The following IER5 variants were observed in gnomAD, a reference collection of about 807,000 sequenced individuals.
The protein encoded by IER5 is immediate early response gene 5 protein.
Under a neutral mutation model 8.2 loss-of-function variants are expected in IER5, and 3 were observed. The ratio of observed to expected loss-of-function variants is 0.36; its 90% CI spans 0.17 to 0.94. The LOEUF (loss-of-function observed/expected upper bound fraction) is 0.94, where lower values mean the gene tolerates loss of function less well. IER5 is among the 40% of genes least tolerant of loss of function. The pLI is 0.43. For synonymous variants in IER5, 286 were observed against 230.1 expected, an observed-to-expected ratio of 1.24 and a Z score of -2.20; for missense variants, 531 against 494.3, an observed-to-expected ratio of 1.07 and a Z score of -0.70.
rs773599741 is a variant in IER5 at position 181,089,678 on chromosome 1, A to G, written c.776A>G (p.Glu259Gly). The change falls in exon 1 of 1, where the codon GAG becomes GGG. Residue 259 changes from glutamate (E) to glycine (G), a missense_variant. Transcript: ENST00000367577. ...PPSGGEDDDA[E>G]EMETGNVANL... is the part of the protein sequence containing the mutation. ...AGTGGAGGAGAGGACGACGACGCGGAGGAGATGGAGACCGGGAACGTGGCT... is the reference window on the plus strand; with the variant it reads ...AGTGGAGGAGAGGACGACGACGCGGGGGAGATGGAGACCGGGAACGTGGCT... 6.2e-7 allele frequency: 1 copy of G among 1,613,314 alleles called. No individual in the cohort carries two copies. Among genetic ancestry groups the G allele is most frequent in the South Asian group, 1.1e-5 (1 of 91,082 alleles).
rs373457410 is a variant in IER5 at position 181,089,714 on chromosome 1, G to A, written c.812G>A (p.Ser271Asn). 6.2e-7 allele frequency: 1 copy of A among 1,613,896 alleles called. No homozygotes were observed. Among genetic ancestry groups the A allele is most frequent in the Admixed American group, 1.7e-5 (1 of 60,026 alleles). Residue 271 changes from serine to asparagine, a missense_variant, in exon 1 of 1, where the codon AGC becomes AAC. Coordinates refer to ENST00000367577, the MANE Select transcript of IER5 (RefSeq NM_016545.5). ...ACCGGGAACGTGGCTAACCTCATCA[G>A]CATCTTCGGTTCCAGTTTCTCGGGA... The part of the protein sequence containing the change: ...METGNVANLI[S>N]IFGSSFSGLL...
Position 181,089,034 on chromosome 1 carries a change from C to T in IER5, c.132C>T (p.Arg44=). The part of the protein sequence containing the change: ...LLVSLVLRSA[R]QVYLSDPCPG... ...TCTCGCTGGTGCTGCGCAGCGCCCG[C>T]CAAGTCTACCTGAGCGACCCGTGCC... The change falls in exon 1 of 1, where the codon CGC becomes CGT. Residue 44 remains arginine, a synonymous_variant. Transcript: ENST00000367577. 1 of 1,610,862 alleles carries T rather than the reference C, an allele frequency of 6.2e-7. No homozygotes were observed.
At position 181,090,604 on chromosome 1, in the gene IER5, C is replaced by T. The variant is rs1235923932; in HGVS notation, c.*718C>T. On this transcript the variant is annotated 3_prime_UTR_variant, in exon 1 of 1. Coordinates refer to ENST00000367577, the MANE Select transcript of IER5 (RefSeq NM_016545.5). ...GAGAAAAGATATATTTTTAAAAGCT[C>T]TAGGTCAGAAGTACTACACAGTGCT... 1 of 167,088 alleles carries T rather than the reference C, an allele frequency of 6.0e-6. No individual in the cohort carries two copies. The highest frequency in any genetic ancestry group is 2.4e-5 in the African/African-American group (1 of 41,416). 10.4% of individuals were successfully genotyped at this position (167,088 alleles called of 1,614,324 possible).
Position 181,090,796 on chromosome 1 carries a change from G to T in IER5, c.*910G>T, listed in dbSNP as rs41268466. 1,154 of 163,300 alleles carry T rather than the reference G, an allele frequency of 7.1e-3. 7 individuals carry two copies. Among genetic ancestry groups the T allele is most frequent in the Non-Finnish European group, 0.011 (734 of 68,050 alleles). 10.1% of individuals were successfully genotyped at this position (163,300 alleles called of 1,614,324 possible). A position where few individuals can be genotyped will look rare whatever the true frequency, so the allele number is the denominator to read the frequency against. On this transcript the variant is annotated 3_prime_UTR_variant, in exon 1 of 1. Coordinates refer to ENST00000367577, the MANE Select transcript of IER5 (RefSeq NM_016545.5). ...GTTGTATTGATTTTTGTATAAAAAT[G>T]TAACTTCTACGTGTCTAACACGTAT...
rs41268464 is a variant in IER5 at position 181,090,757 on chromosome 1, G to A, written c.*871G>A. On this transcript the variant is annotated 3_prime_UTR_variant, in exon 1 of 1. Coordinates refer to ENST00000367577, the MANE Select transcript of IER5 (RefSeq NM_016545.5). ...GGGGAGCTGATAAGGTTTTTGTACAGTATTTTCTCCTTCGTTGTATTGATT... is the reference window on the plus strand; with the variant it reads ...GGGGAGCTGATAAGGTTTTTGTACAATATTTTCTCCTTCGTTGTATTGATT... The A allele has an allele frequency of 0.055, 9,216 of 166,644 alleles. 294 individuals are homozygous for A. The highest frequency in any genetic ancestry group is 0.081 in the African/African-American group (3,372 of 41,512). The allele number at this position is 166,644 out of a possible 1,614,324, so 10.3% of individuals were successfully genotyped here.
chr1:181,090,700 T>A lies in IER5; in HGVS notation c.*814T>A, dbSNP rs962754155. On this transcript the variant is annotated 3_prime_UTR_variant, in exon 1 of 1. Coordinates refer to ENST00000367577, the MANE Select transcript of IER5 (RefSeq NM_016545.5). ...GAAAGACCTTATGGTTTTGTAGATA[T>A]GGTGACTCCAGTCTTTGTTGTATAA... The A allele has an allele frequency of 1.2e-5, 2 of 167,108 alleles. No individual in the cohort carries two copies. The highest frequency in any genetic ancestry group is 2.9e-5 in the Non-Finnish European group (2 of 68,122). 10.4% of individuals were successfully genotyped at this position (167,108 alleles called of 1,614,324 possible).
At position 181,089,357 on chromosome 1, in the gene IER5, C is replaced by A; in HGVS notation, c.455C>A (p.Ala152Asp). Residue 152 changes from alanine (A) to aspartate (D), a missense_variant, in exon 1 of 1, where the codon GCC (alanine) becomes GAC (aspartate). Physicochemically the swap from Ala to Asp is moderately radical, Grantham distance 126. Coordinates refer to ENST00000367577, the MANE Select transcript of IER5 (RefSeq NM_016545.5). ...GTGGAGGGGCCGCGCCAGGCGGCGG[C>A]CAGAGAAGCCGAGGGTACCGCCGGA... ...SRVEGPRQAAAREAEGTAGGW... is the reference protein window; with the variant it reads ...SRVEGPRQAADREAEGTAGGW... 1 of 1,511,716 alleles carries A rather than the reference C, an allele frequency of 6.6e-7. No individual in the cohort carries two copies. The highest frequency in any genetic ancestry group is 8.8e-7 in the Non-Finnish European group (1 of 1,130,444). 93.6% of individuals were successfully genotyped at this position (1,511,716 alleles called of 1,614,324 possible).
rs913197407 is a variant in IER5, at chr1:181,092,268, CCTTGGTTTT to C, written c.*2383_*2391del. The C allele has an allele frequency of 1.3e-5, 2 of 151,044 alleles. No individual in the cohort carries two copies. The highest frequency in any genetic ancestry group is 4.9e-5 in the African/African-American group (2 of 40,992). 9.4% of individuals were successfully genotyped at this position (151,044 alleles called of 1,614,324 possible). A position where few individuals can be genotyped will look rare whatever the true frequency, so the allele number is the denominator to read the frequency against. On this transcript the variant is annotated 3_prime_UTR_variant, in exon 1 of 1. Coordinates refer to ENST00000367577, the MANE Select transcript of IER5 (RefSeq NM_016545.5). ...TGTTTTGGATGAGACTAAAGTTGAT[CCTTGGTTTT>C]ACATTAAGATGAACCTGGGTCCATG... is the stretch of plus-strand genomic sequence containing the variant.
In IER5 at chr1:181,089,352, G is replaced by A. The variant is rs1238796579; in HGVS notation, c.450G>A (p.Ala150=). Residue 150 remains alanine (A), a synonymous_variant, in exon 1 of 1, where the codon GCG becomes GCA. Transcript: ENST00000367577. ...GCCGCGTGGAGGGGCCGCGCCAGGC[G>A]GCGGCCAGAGAAGCCGAGGGTACCG... ...AWSRVEGPRQ[A]AAREAEGTAG... 3.3e-6 allele frequency: 5 copies of A among 1,517,052 alleles called. No individual in the cohort carries two copies. The South Asian group carries it at 4.9e-5, about 15-fold the overall frequency. 94.0% of individuals were successfully genotyped at this position (1,517,052 alleles called of 1,614,324 possible).
rs1390405591 is a variant in IER5 at position 181,089,320 on chromosome 1, G to T, written c.418G>T (p.Ala140Ser). The T allele has an allele frequency of 2.6e-6, 4 of 1,543,566 alleles. No individual in the cohort carries two copies. The highest frequency in any genetic ancestry group is 2.0e-5 in the Admixed American group (1 of 51,022). The stretch of plus-strand genomic sequence containing the variant: ...CGGAGAGGCGGACGCGACGGAAGCT[G>T]CCTGGAGCCGCGTGGAGGGGCCGCG... ...QGGEADATEAAWSRVEGPRQA... is the reference protein window; with the variant it reads ...QGGEADATEASWSRVEGPRQA... The change falls in exon 1 of 1, where the codon GCC becomes TCC. Residue 140 changes from alanine to serine, a missense_variant. Physicochemically the swap from Ala to Ser is moderately conservative, Grantham distance 99. Coordinates refer to ENST00000367577, the MANE Select transcript of IER5 (RefSeq NM_016545.5).
rs918696136 is a variant in IER5 at position 181,089,672 on chromosome 1, A to C, written c.770A>C (p.Asp257Ala). 6.2e-7 allele frequency: 1 copy of C among 1,613,200 alleles called. No individual in the cohort carries two copies. Among genetic ancestry groups the C allele is most frequent in the Non-Finnish European group, 8.5e-7 (1 of 1,179,946 alleles). ...CCGCCGAGTGGAGGAGAGGACGACG[A>C]CGCGGAGGAGATGGAGACCGGGAAC... is the stretch of plus-strand genomic sequence containing the variant. ...EQPPSGGEDD[D>A]AEEMETGNVA... is the part of the protein sequence containing the mutation. The change falls in exon 1 of 1, where the codon GAC (aspartate) becomes GCC (alanine). Residue 257 changes from aspartate (D) to alanine (A), a missense_variant. Transcript: ENST00000367577.
rs1433931322 is a variant in IER5 at position 181,091,097 on chromosome 1, T to TA, written c.*1213dup. On this transcript the variant is annotated 3_prime_UTR_variant, in exon 1 of 1. Transcript: ENST00000367577. Reference sequence around the variant, plus strand: ...AACCTGCCACTACAACTGCCTTTTCTAAGGTCAGTTTAGACCAATTTGTCA... The same window carrying TA: ...AACCTGCCACTACAACTGCCTTTTCTAAAGGTCAGTTTAGACCAATTTGTCA... 2.0e-5 allele frequency: 3 copies of TA among 152,332 alleles called. No individual in the cohort carries two copies. In the East Asian group the frequency reaches 5.8e-4, roughly 29 times the overall value. The allele number at this position is 152,332 out of a possible 1,614,324, so 9.4% of individuals were successfully genotyped here.
In IER5 at chr1:181,089,476, AC is replaced by A; in HGVS notation, c.580del (p.Arg194AlafsTer53). 15 of 1,338,966 alleles carry A rather than the reference AC, an allele frequency of 1.1e-5. No individual in the cohort carries two copies. The highest frequency in any genetic ancestry group is 5.6e-5 in the South Asian group (3 of 53,612). 82.9% of individuals were successfully genotyped at this position (1,338,966 alleles called of 1,614,324 possible). A position where few individuals can be genotyped will look rare whatever the true frequency, so the allele number is the denominator to read the frequency against. Reference sequence around the variant, plus strand: ...GGACCCGCCGGGTACACCGGCCGCGACCCCCCGCGCTGCCTGCTGCTGCGCG... The same window carrying A: ...GGACCCGCCGGGTACACCGGCCGCGACCCCCGCGCTGCCTGCTGCTGCGCG... ...GEDPPGTPAA[T>X]PRAACCCAPQ... On this transcript the variant is annotated frameshift_variant, in exon 1 of 1. Transcript: ENST00000367577. LOFTEE classifies it high-confidence loss of function.
In IER5 at chr1:181,088,901, A is replaced by AG. The variant is rs1480256352; in HGVS notation, c.-1dup. ...GCCGACGGCCCTGTGCAGGGGAAGC[A>AG]GATGGAGTTCAAGCTGGAGGCTCAT... On this transcript the variant is annotated 5_prime_UTR_variant, in exon 1 of 1. Coordinates refer to ENST00000367577, the MANE Select transcript of IER5 (RefSeq NM_016545.5). The AG allele has an allele frequency of 6.2e-7, 1 of 1,610,904 alleles. No individual in the cohort carries two copies. The highest frequency in any genetic ancestry group is 1.3e-5 in the African/African-American group (1 of 74,842).
chr1:181,089,121 G>A lies in IER5; in HGVS notation c.219G>A (p.Gly73=). 2 of 1,411,578 alleles carry A rather than the reference G, an allele frequency of 1.4e-6. No individual in the cohort carries two copies. Among genetic ancestry groups the A allele is most frequent in the East Asian group, 3.0e-5 (1 of 32,976 alleles). 87.4% of individuals were successfully genotyped at this position (1,411,578 alleles called of 1,614,324 possible). The change falls in exon 1 of 1, where the codon GGG becomes GGA. Residue 73 remains glycine, a synonymous_variant. Coordinates refer to ENST00000367577, the MANE Select transcript of IER5 (RefSeq NM_016545.5). The stretch of plus-strand genomic sequence containing the variant: ...CGCCGCCACCGCAGCAGCAGCCCGG[G>A]GAGCCGGCGGCCGGGCCACCCGCCG... The part of the protein sequence containing the change: ...TPAPPPQQQP[G]EPAAGPPAGW...
chr1:181,089,513 C>G lies in IER5; in HGVS notation c.611C>G (p.Ala204Gly). The change falls in exon 1 of 1, where the codon GCG becomes GGG. Residue 204 changes from alanine to glycine, a missense_variant. Physicochemically the swap from Ala to Gly is moderately conservative, Grantham distance 60. Coordinates refer to ENST00000367577, the MANE Select transcript of IER5 (RefSeq NM_016545.5). Reference protein sequence around the residue: ...RAACCCAPQPAEDEPPAPPAV... With the variant: ...RAACCCAPQPGEDEPPAPPAV... ...GCCTGCTGCTGCGCGCCGCAACCAG[C>G]GGAGGACGAGCCCCCCGCGCCGCCC... The G allele has an allele frequency of 6.9e-6, 9 of 1,301,776 alleles. No homozygotes were observed. Among genetic ancestry groups the G allele is most frequent in the Non-Finnish European group, 8.8e-6 (9 of 1,023,394 alleles). The allele number at this position is 1,301,776 out of a possible 1,614,324, so 80.6% of individuals were successfully genotyped here.
In IER5 at chr1:181,088,913, A is replaced by G; in HGVS notation, c.11A>G (p.Lys4Arg). ...GTGCAGGGGAAGCAGATGGAGTTCAAGCTGGAGGCTCATCGCATCGTCAGC... is the reference window on the plus strand; with the variant it reads ...GTGCAGGGGAAGCAGATGGAGTTCAGGCTGGAGGCTCATCGCATCGTCAGC... MEF[K>R]LEAHRIVSIS... Residue 4 changes from lysine (K) to arginine (R), a missense_variant, in exon 1 of 1, where the codon AAG becomes AGG. Transcript: ENST00000367577. The G allele has an allele frequency of 6.2e-7, 1 of 1,612,768 alleles. No individual in the cohort carries two copies. The highest frequency in any genetic ancestry group is 1.1e-5 in the South Asian group (1 of 90,942).
At position 181,089,197 on chromosome 1, in the gene IER5, GAGCCGC is replaced by G. The variant is rs1558134090; in HGVS notation, c.301_306del (p.Gln101_Pro102del). 1 of 1,529,910 alleles carries G rather than the reference GAGCCGC, an allele frequency of 6.5e-7. No individual in the cohort carries two copies. Among genetic ancestry groups the G allele is most frequent in the Admixed American group, 2.0e-5 (1 of 49,538 alleles). 94.8% of individuals were successfully genotyped at this position (1,529,910 alleles called of 1,614,324 possible). On this transcript the variant is annotated inframe_deletion, in exon 1 of 1. Transcript: ENST00000367577. Reference sequence around the variant, plus strand: ...CGCTCGTGCCTCTTGGCCGGAGACCGAGCCGCAGCCGGAGCGCTCCTCCGTCTCAGA... The same window carrying G: ...CGCTCGTGCCTCTTGGCCGGAGACCGAGCCGGAGCGCTCCTCCGTCTCAGA...
In IER5 at chr1:181,089,550, C is replaced by T. The variant is rs1659416970; in HGVS notation, c.648C>T (p.Pro216=). 5 of 1,464,162 alleles carry T rather than the reference C, an allele frequency of 3.4e-6. No individual in the cohort carries two copies. In the African/African-American group the frequency reaches 4.4e-5, roughly 13 times the overall value. The allele number at this position is 1,464,162 out of a possible 1,614,324, so 90.7% of individuals were successfully genotyped here. Residue 216 remains proline, a synonymous_variant, in exon 1 of 1, where the codon CCC becomes CCT. Coordinates refer to ENST00000367577, the MANE Select transcript of IER5 (RefSeq NM_016545.5). The stretch of plus-strand genomic sequence containing the variant: ...CCCCCGCGCCGCCCGCGGTGTGCCC[C>T]AGGAAGCGCTGCGCGGCGGGGGTGG... ...DEPPAPPAVC[P]RKRCAAGVGG...
Sources: allele counts gnomAD v4.1 joint callset, GRCh38; gene constraint gnomAD v4.1.1; transcripts MANE v1.5; gene names NCBI Gene and HGNC (gene_info 2026-07-23, HGNC 2026-07-21).